Variants in EML4 observed in about 807,000 individuals in gnomAD.
EML4 encodes the protein EMAP like 4.
Under a neutral mutation model 129.0 loss-of-function variants are expected in EML4, and 72 were observed. The ratio of observed to expected loss-of-function variants is 0.56; its 90% CI spans 0.46 to 0.68. The LOEUF (loss-of-function observed/expected upper bound fraction) is 0.68. Ranked by LOEUF, EML4 falls within the 30% of genes least tolerant of loss-of-function variation. EML4 has a pLI of 0.00. For synonymous variants in EML4, 532 were observed against 405.0 expected (o/e 1.31, Z -3.77); for missense variants, 1,363 against 1,190.6 (o/e 1.14, Z -2.13).
intron 1 of EML4, among the ~76,000 whole-genome samples, chr2:42,242,070 A>G (rs1214674813): frequency 4.6e-5 from 7 of 152,124 alleles, no homozygotes; most frequent in Admixed American, 4.6e-4. Flanking sequence ...CACCTTAGTC[A>G]TTTTTTAAAA....
At chr2:42,201,022 T>C (rs1480932252) in intron 1 of EML4, among the ~76,000 whole-genome samples, 2 of 152,212 alleles carry the variant, frequency 1.3e-5, no homozygotes, top group Non-Finnish European at 1.5e-5. Context: ...AGCAGTAATA[T>C]GACAGAAGTA....
chr2:42,299,901 G>C (rs1348265371), intron 13 of EML4, among the ~76,000 whole-genome samples: 1 of 152,150 alleles, frequency 6.6e-6, no homozygotes, highest in Non-Finnish European at 1.5e-5. Context: ...GGCCAGGTTG[G>C]TTTCAAACAT....
At chr2:42,276,731 C>T (rs543477053) in intron 6 of EML4, among the ~76,000 whole-genome samples, 5 of 152,244 alleles carry the variant, frequency 3.3e-5, no homozygotes, top group East Asian at 1.9e-4. Context: ...ATTGAGAAAA[C>T]GAAGCCAGTC....
chr2:42,278,242 G>A (rs1666766901), intron 6 of EML4, among the ~76,000 whole-genome samples: 1 of 152,100 alleles, frequency 6.6e-6, no homozygotes, highest in African/African-American at 2.4e-5. Context: ...GTTAAGTCGG[G>A]GTGGGGTTTT....
intron 1 of EML4, among the ~76,000 whole-genome samples, chr2:42,214,098 T>A (rs115929833): frequency 6.6e-6 from 1 of 152,130 alleles, no homozygotes; most frequent in Non-Finnish European, 1.5e-5. Flanking sequence ...AATGTAGAAG[T>A]TTAAAACATT....
chr2:42,247,176 G>A (rs1316090573), intron 2 of EML4, among the ~76,000 whole-genome samples: 1 of 152,156 alleles, frequency 6.6e-6, no homozygotes, highest in African/African-American at 2.4e-5. Context: ...AAATGGGGTG[G>A]TAATTGATGA....
intron 22 of EML4, 46 bp downstream of exon 22, chr2:42,329,062 A>G (rs945934017): frequency 1.9e-6 from 3 of 1,571,524 alleles, no homozygotes; most frequent in Non-Finnish European, 2.6e-6. Flanking sequence ...CCTTCTGTCC[A>G]GGGATGATTT....
At chr2:42,248,135 G>T (rs1030586572) in intron 2 of EML4, among the ~76,000 whole-genome samples, 1 of 151,978 alleles carries the variant, frequency 6.6e-6, no homozygotes, top group Non-Finnish European at 1.5e-5. Flanking sequence ...ACCATGCCCT[G>T]CTAAAACCTT....
intron 6 of EML4, among the ~76,000 whole-genome samples, chr2:42,278,807 A>G (rs1666809869): frequency 6.6e-6 from 1 of 151,850 alleles, no homozygotes; most frequent in Non-Finnish European, 1.5e-5. Flanking sequence ...ATGGTGGCAC[A>G]TGCCTATAAT....
At chr2:42,195,155 A>G (rs1426792965) in intron 1 of EML4, among the ~76,000 whole-genome samples, 2 of 152,140 alleles carry the variant, frequency 1.3e-5, no homozygotes, top group Non-Finnish European at 2.9e-5. Flanking sequence ...TTTTGTGGCC[A>G]TGGAATGTAT....
In EML4 at chr2:42,169,532, C is replaced by G; in HGVS notation, c.-80C>G. On this transcript the variant is annotated 5_prime_UTR_variant, in exon 1 of 23. Coordinates refer to ENST00000318522, the MANE Select transcript of EML4 (RefSeq NM_019063.5). ...CGACCTAGAGAACGAGCGGGTCAGG[C>G]TCAGCGTCGGCCACTCTGTCGGTCC... is the stretch of plus-strand genomic sequence containing the variant. 2 of 1,516,274 alleles carry G rather than the reference C, an allele frequency of 1.3e-6. No individual in the cohort carries two copies. The highest frequency in any genetic ancestry group is 1.8e-6 in the Non-Finnish European group (2 of 1,128,110). 93.9% of individuals were successfully genotyped at this position (1,516,274 alleles called of 1,614,324 possible). A position where few individuals can be genotyped will look rare whatever the true frequency, so the allele number is the denominator to read the frequency against.
At chr2:42,309,402 AC>A (rs1242994812) in intron 17 of EML4, among the ~76,000 whole-genome samples, 1 of 144,282 alleles carries the variant, frequency 6.9e-6, no homozygotes, top group African/African-American at 2.6e-5. Context: ...ACAGAGCGAG[AC>A]CCTTTCTCAA....
intron 19 of EML4, among the ~76,000 whole-genome samples, chr2:42,323,674 C>G (rs2103819652): frequency 6.6e-6 from 1 of 151,636 alleles, no homozygotes; most frequent in Admixed American, 6.6e-5. Context: ...CAGTGGCTCA[C>G]TATAATCCCA....
intron 1 of EML4, among the ~76,000 whole-genome samples, chr2:42,218,170 G>A (rs1385028063): frequency 2.0e-5 from 3 of 152,068 alleles, no homozygotes; most frequent in African/African-American, 7.2e-5. Context: ...TGTCAGATCA[G>A]TGGCATTAGA....
At chr2:42,207,511 C>G (rs1558502468) in intron 1 of EML4, among the ~76,000 whole-genome samples, 2 of 152,270 alleles carry the variant, frequency 1.3e-5, no homozygotes, top group African/African-American at 2.4e-5. Flanking sequence ...GTTAGCAGCT[C>G]TACCTGAACC....
intron 1 of EML4, among the ~76,000 whole-genome samples, chr2:42,176,324 C>T (rs1345833955): frequency 6.6e-6 from 1 of 152,168 alleles, no homozygotes; most frequent in African/African-American, 2.4e-5. Context: ...TGCATGGCGT[C>T]GAGAATCTCC....
chr2:42,314,915 C>A (rs1478388936), intron 17 of EML4, among the ~76,000 whole-genome samples: 2 of 152,144 alleles, frequency 1.3e-5, no homozygotes, highest in African/African-American at 4.8e-5. Context: ...GGATTTAAGT[C>A]GTTGTTTTAC....
chr2:42,293,845 G>A (rs1266472317), intron 11 of EML4, among the ~76,000 whole-genome samples: 2 of 152,048 alleles, frequency 1.3e-5, no homozygotes, highest in South Asian at 2.1e-4. Flanking sequence ...TCCTGACGTC[G>A]TGATCCACCC....
chr2:42,219,586 T>G (rs907217056), intron 1 of EML4, among the ~76,000 whole-genome samples: 1 of 152,198 alleles, frequency 6.6e-6, no homozygotes, highest in African/African-American at 2.4e-5. Flanking sequence ...TTTATGTATG[T>G]GGTTTTGTTT....
Sources: allele counts gnomAD v4.1 joint callset (sites outside exome capture counted in the v4.1 genomes callset), GRCh38; gene constraint gnomAD v4.1.1; transcripts MANE v1.5; gene names NCBI Gene and HGNC (gene_info 2026-07-23, HGNC 2026-07-21).